Variants in METTL3 observed in about 807,000 individuals in gnomAD.
METTL3 encodes the protein N(6)-adenosine-methyltransferase catalytic subunit METTL3.
In METTL3, 42 loss-of-function variants were observed where a neutral mutation model predicts 64.3. The observed-to-expected ratio is 0.65, with a 90% CI of 0.51 to 0.84. The LOEUF (loss-of-function observed/expected upper bound fraction) is 0.84, where lower values mean the gene tolerates loss of function less well. Ranked by LOEUF, METTL3 falls within the 40% of genes least tolerant of loss-of-function variation. The pLI is 0.00. For missense variants in METTL3, 435 were observed against 722.3 expected, an observed-to-expected ratio of 0.60 and a Z score of 4.56; for synonymous variants, 256 against 263.6, an observed-to-expected ratio of 0.97 and a Z score of 0.28.
intron 3 of METTL3, 127 bp downstream of exon 3, chr14:21,503,046 G>C (rs889832438): frequency 9.7e-6 from 10 of 1,028,658 alleles, no homozygotes; most frequent in Non-Finnish European, 1.4e-5. Context: ...CTGGGAGTTG[G>C]GCAGTAGGGA....
chr14:21,510,957 T>C (rs1239415600), intron 1 of METTL3, 167 bp downstream of exon 1: 8 of 747,772 alleles, frequency 1.1e-5, no homozygotes, highest in African/African-American at 1.8e-5. Flanking sequence ...CGCGAACTAC[T>C]TGCAGAAGGG....
chr14:21,507,966 T>A (rs1891739153), intron 1 of METTL3: 1 of 152,250 alleles, frequency 6.6e-6, no homozygotes, highest in South Asian at 2.1e-4. Flanking sequence ...AATACTTTTA[T>A]AAGAGTCTTA....
intron 1 of METTL3, among the ~76,000 whole-genome samples, chr14:21,506,509 G>A (rs534788521): frequency 6.6e-6 from 1 of 152,240 alleles, no homozygotes; most frequent in East Asian, 1.9e-4. Context: ...AGCCGAGATC[G>A]CGCTACTGCA....
At chr14:21,499,648 T>G (rs1449647552) in intron 7 of METTL3, 48 bp from the exon 8 acceptor site, 1 of 1,588,040 alleles carries the variant, frequency 6.3e-7, no homozygotes, top group East Asian at 2.2e-5. Context: ...CTTTTACAGT[T>G]TAGGGGTAGT....
At chr14:21,498,475 T>C in intron 10 of METTL3, 106 bp from the exon 11 acceptor site, 1 of 1,026,086 alleles carries the variant, frequency 9.7e-7, no homozygotes, top group Non-Finnish European at 1.5e-6. Context: ...TCATATCAAA[T>C]ATGCCAATTC....
chr14:21,501,705 C>T, intron 4 of METTL3, 23 bp downstream of exon 4: 1 of 1,614,192 alleles, frequency 6.2e-7, no homozygotes, highest in South Asian at 1.1e-5. Context: ...AAACCCATCC[C>T]ACCTCATTCC....
In METTL3 at chr14:21,511,079, C is replaced by A. The variant is rs755508483; in HGVS notation, c.100+45G>T. ...GAGCTTTTTCTCTAGGGATCCCGCCCGTCCTCCCCGGTTGAGCCTCGGCCC... is the reference window on the plus strand; with the variant it reads ...GAGCTTTTTCTCTAGGGATCCCGCCAGTCCTCCCCGGTTGAGCCTCGGCCC... On this transcript the variant is annotated intron_variant, in intron 1 of 10. Coordinates refer to ENST00000298717, the MANE Select transcript of METTL3 (RefSeq NM_019852.5). The A allele has an allele frequency of 1.9e-6, 3 of 1,601,682 alleles. No individual in the cohort carries two copies. In the Admixed American group the frequency reaches 5.2e-5, roughly 28 times the overall value.
chr14:21,499,764 C>T lies in METTL3; in HGVS notation c.1343G>A (p.Gly448Glu), dbSNP rs1437467258. ...ELGRECLNLW[G>E]YERVDEIIWV... ...AGAAAGCAACACAACCACTACTTAC[C>T]CCCAGAGGTTTAGACATTCTCTCCC... Residue 448 changes from glycine to glutamate, a missense_variant and splice_region_variant, in exon 7 of 11, where the codon GGG (glycine) becomes GAG (glutamate). By Grantham distance (98) the Gly-to-Glu change is moderately conservative (BLOSUM62 -2). Around this residue, in one of 9 missense-constraint regions of METTL3, gnomAD observed 36 missense variants for 73.0 expected, o/e 0.49. Coordinates refer to ENST00000298717, the MANE Select transcript of METTL3 (RefSeq NM_019852.5). 1.9e-6 allele frequency: 3 copies of T among 1,612,880 alleles called. No individual in the cohort carries two copies. The highest frequency in any genetic ancestry group is 2.2e-5 in the East Asian group (1 of 44,880).
intron 1 of METTL3, 162 bp from the exon 2 acceptor site, chr14:21,504,043 A>G (rs1441916282): frequency 1.6e-6 from 1 of 621,976 alleles, no homozygotes. Flanking sequence ...CAATCATACT[A>G]AAACATTCAC....
At chr14:21,504,976 A>G (rs965742620) in intron 1 of METTL3, 1 of 151,846 alleles carries the variant, frequency 6.6e-6, no homozygotes, top group Non-Finnish European at 1.5e-5. Context: ...TAATTTGAAA[A>G]TTTTCCACTC....
rs577497310 is a variant in METTL3, at chr14:21,503,012, T to C, written c.723+161A>G. The C allele has an allele frequency of 1.0e-5, 8 of 791,594 alleles. No individual in the cohort carries two copies. In the South Asian group the frequency reaches 1.3e-4, roughly 13 times the overall value. The allele number at this position is 791,594 out of a possible 1,614,324, so 49.0% of individuals were successfully genotyped here. ...ACTCCCCCATGTGTGACAATAAAAA[T>C]GTCTCCGGACATTACCAGATCCCCT... On this transcript the variant is annotated intron_variant, in intron 3 of 10. Coordinates refer to ENST00000298717, the MANE Select transcript of METTL3 (RefSeq NM_019852.5).
chr14:21,509,092 C>T (rs766573329), intron 1 of METTL3, among the ~76,000 whole-genome samples: 2 of 152,172 alleles, frequency 1.3e-5, no homozygotes, highest in Non-Finnish European at 2.9e-5. Context: ...GTAATCCCAG[C>T]ACTTTGGGAG....
rs1325027895 is a variant in METTL3 at position 21,499,021 on chromosome 14, T to A, written c.1631+4A>T. On this transcript the variant is annotated splice_donor_region_variant and intron_variant, in intron 10 of 10. Transcript: ENST00000298717. ...AGGACTAGCCTGTTCTCTGGTCACCTTACCAGTTGGGTTGCACATTGTGTG... is the reference window on the plus strand; with the variant it reads ...AGGACTAGCCTGTTCTCTGGTCACCATACCAGTTGGGTTGCACATTGTGTG... 6.2e-7 allele frequency: 1 copy of A among 1,607,674 alleles called. No homozygotes were observed. The highest frequency in any genetic ancestry group is 8.5e-7 in the Non-Finnish European group (1 of 1,174,178).
In METTL3 at chr14:21,506,838, A is replaced by G. The variant is rs569293082; in HGVS notation, c.101-2957T>C. On this transcript the variant is annotated intron_variant, in intron 1 of 10. Coordinates refer to ENST00000298717, the MANE Select transcript of METTL3 (RefSeq NM_019852.5). ...GGAGTCCAAGACCAACCTAAGCAAC[A>G]TGGCAAAACCCTGTTGGGCGTTTTG... Among the ~76,000 whole-genome samples, 98 of 152,286 alleles carry G rather than the reference A, an allele frequency of 6.4e-4. 3 individuals carry two copies. Among genetic ancestry groups the G allele is most frequent in the Admixed American group, 6.3e-3 (97 of 15,300 alleles).
rs1891619463 is a variant in METTL3, at chr14:21,503,408, T to A, written c.488A>T (p.Lys163Met). The change falls in exon 3 of 11, where the codon AAG (lysine) becomes ATG (methionine). Residue 163 changes from lysine to methionine, a missense_variant. By Grantham distance (95) the Lys-to-Met change is moderately conservative. Coordinates refer to ENST00000298717, the MANE Select transcript of METTL3 (RefSeq NM_019852.5). The part of the protein sequence containing the change: ...LSAMMGAVAE[K>M]KGPGEVAGTV... ...CCCTGCTACCTCCCCAGGGCCCTTC[T>A]TTTCTGCCACAGCACCCATCATGGC... 1 of 1,614,038 alleles carries A rather than the reference T, an allele frequency of 6.2e-7. No homozygotes were observed. The highest frequency in any genetic ancestry group is 8.5e-7 in the Non-Finnish European group (1 of 1,180,020).
chr14:21,504,376 A>C (rs181627904), intron 1 of METTL3: 53 of 155,518 alleles, frequency 3.4e-4, no homozygotes, highest in Admixed American at 1.4e-3. Context: ...CAAAAATCTT[A>C]ATACTTTGCT....
intron 1 of METTL3, among the ~76,000 whole-genome samples, chr14:21,509,232 T>G (rs950416560): frequency 6.6e-6 from 1 of 152,000 alleles, no homozygotes; most frequent in Non-Finnish European, 1.5e-5. Flanking sequence ...CCCAGCTACT[T>G]GAGAGGCTGA....
At position 21,501,107 on chromosome 14, in the gene METTL3, CAG is replaced by C; in HGVS notation, c.920_921del (p.Thr307ArgfsTer2). The C allele has an allele frequency of 6.2e-7, 1 of 1,613,346 alleles. No homozygotes were observed. On this transcript the variant is annotated frameshift_variant, in exon 5 of 11. Coordinates refer to ENST00000298717, the MANE Select transcript of METTL3 (RefSeq NM_019852.5). LOFTEE classifies it high-confidence loss of function. ...AAAGAGCAGTCACCTAAAGACTCAT[CAG>C]TGTGTTTATTGATAATTCGTCTGGG... ...LHFRRIINKHTDESLGDCSFL... is the reference protein window; with the variant it reads ...LHFRRIINKHXDESLGDCSFL...
chr14:21,501,555 G>T, intron 4 of METTL3, 173 bp downstream of exon 4: 1 of 793,096 alleles, frequency 1.3e-6, no homozygotes, highest in Non-Finnish European at 2.0e-6. Flanking sequence ...AGTACAGCCT[G>T]TATTCTTCCC....
Sources: allele counts gnomAD v4.1 joint callset (sites outside exome capture counted in the v4.1 genomes callset), GRCh38; gene constraint gnomAD v4.1.1; regional missense constraint gnomAD v4.1.1; transcripts MANE v1.5; gene names NCBI Gene and HGNC (gene_info 2026-07-23, HGNC 2026-07-21).